ENTREP2: variants seen among roughly 807,000 people sequenced by gnomAD.
ENTREP2 encodes protein ENTREP2.
chr15:29,558,419 C>G, the ENTREP2 span, among the ~76,000 whole-genome samples: 2 of 151,690 alleles, frequency 1.3e-5, no homozygotes, highest in African/African-American at 4.8e-5. Context: ...GGCACAGGCC[C>G]GAAGCTGGCC....
At chr15:29,588,684 G>C in the ENTREP2 span, among the ~76,000 whole-genome samples, 1 of 152,044 alleles carries the variant, frequency 6.6e-6, no homozygotes, top group Non-Finnish European at 1.5e-5. Flanking sequence ...TGATGACATA[G>C]TACAAATTTT....
At chr15:29,483,087 G>T in the ENTREP2 span, among the ~76,000 whole-genome samples, 1 of 152,226 alleles carries the variant, frequency 6.6e-6, no homozygotes, top group Non-Finnish European at 1.5e-5. Flanking sequence ...TTTTCCTAAT[G>T]ATATATGATG....
chr15:29,128,005 G>A, the ENTREP2 span, among the ~76,000 whole-genome samples: 3,443 of 152,264 alleles, frequency 0.023, 128 homozygotes, highest in African/African-American at 0.078. Context: ...TACAACCCCC[G>A]GTGGCCTCAG....
the ENTREP2 span, among the ~76,000 whole-genome samples, chr15:29,443,686 T>C: frequency 6.6e-6 from 1 of 151,942 alleles, no homozygotes; most frequent in Non-Finnish European, 1.5e-5. Context: ...CGGCCTGGGC[T>C]TTTCTCCAAA....
the ENTREP2 span, among the ~76,000 whole-genome samples, chr15:29,300,393 GGATA>G: frequency 1.6e-5 from 2 of 128,340 alleles, no homozygotes; most frequent in Non-Finnish European, 3.2e-5. Context: ...ATAGATAGAT[GGATA>G]AATGGATGGA....
chr15:29,133,364 A>G, the ENTREP2 span, among the ~76,000 whole-genome samples: 12 of 152,316 alleles, frequency 7.9e-5, no homozygotes, highest in Middle Eastern at 3.4e-3. Context: ...TTACTGACTC[A>G]GGAGCCCTGG....
the ENTREP2 span, among the ~76,000 whole-genome samples, chr15:29,577,021 A>G: frequency 9.2e-5 from 14 of 151,810 alleles, no homozygotes; most frequent in African/African-American, 3.1e-4. Context: ...GTTAGCCAGG[A>G]TGGTCTCGAT....
At chr15:29,654,436 G>A in the ENTREP2 span, among the ~76,000 whole-genome samples, 2 of 151,604 alleles carry the variant, frequency 1.3e-5, no homozygotes, top group Non-Finnish European at 2.9e-5. Flanking sequence ...TAGAACATAC[G>A]CTTTGACAGA....
chr15:29,476,764 G>A, the ENTREP2 span, among the ~76,000 whole-genome samples: 3 of 152,184 alleles, frequency 2.0e-5, no homozygotes, highest in Admixed American at 6.5e-5. Flanking sequence ...AAGTGAGGGC[G>A]GAGAAACACC....
the ENTREP2 span, among the ~76,000 whole-genome samples, chr15:29,440,864 G>A: frequency 6.6e-6 from 1 of 152,116 alleles, no homozygotes; most frequent in Non-Finnish European, 1.5e-5. Flanking sequence ...TCCCACCCAT[G>A]AGCAAACACA....
chr15:29,157,768 C>T, the ENTREP2 span, among the ~76,000 whole-genome samples: 1 of 147,554 alleles, frequency 6.8e-6, no homozygotes. Context: ...CTCGCTGTGT[C>T]GCCCAGGCTG....
At chr15:29,564,420 C>T in the ENTREP2 span, among the ~76,000 whole-genome samples, 1 of 152,194 alleles carries the variant, frequency 6.6e-6, no homozygotes, top group African/African-American at 2.4e-5. Context: ...TATTTTCTCT[C>T]GCCATCTGTC....
the ENTREP2 span, among the ~76,000 whole-genome samples, chr15:29,556,634 G>A: frequency 3.8e-3 from 584 of 152,198 alleles, 3 homozygotes; most frequent in African/African-American, 0.013. Context: ...GTACACACCC[G>A]GCTGACTCCC....
chr15:29,426,401 A>G, the ENTREP2 span, among the ~76,000 whole-genome samples: 4 of 152,172 alleles, frequency 2.6e-5, no homozygotes, highest in African/African-American at 9.7e-5. Flanking sequence ...TTTAACGCTT[A>G]TCTTTGATTT....
the ENTREP2 span, among the ~76,000 whole-genome samples, chr15:29,133,274 CGA>C: frequency 1.3e-5 from 2 of 152,164 alleles, no homozygotes; most frequent in Non-Finnish European, 2.9e-5. Context: ...AAACATCCTG[CGA>C]GAGTGATCTA....
At chr15:29,179,051 G>A in the ENTREP2 span, among the ~76,000 whole-genome samples, 16 of 152,178 alleles carry the variant, frequency 1.1e-4, no homozygotes, top group Admixed American at 1.0e-3. Flanking sequence ...GCAGGATGTT[G>A]TATTTGTTAT....
At chr15:29,248,757 G>T in the ENTREP2 span, among the ~76,000 whole-genome samples, 1 of 152,106 alleles carries the variant, frequency 6.6e-6, no homozygotes, top group Non-Finnish European at 1.5e-5. Flanking sequence ...TTCAGTGCTG[G>T]CAAAGGTGTA....
the ENTREP2 span, among the ~76,000 whole-genome samples, chr15:29,219,030 G>A: frequency 6.6e-6 from 1 of 152,102 alleles, no homozygotes; most frequent in East Asian, 1.9e-4. Context: ...CAACCCACAG[G>A]GTGGCAGAAC....
chr15:29,660,800 C>T, the ENTREP2 span, among the ~76,000 whole-genome samples: 1 of 152,174 alleles, frequency 6.6e-6, no homozygotes, highest in Admixed American at 6.5e-5. Flanking sequence ...CGTGGGTCCA[C>T]TTCTATGAGG....
Sources: allele counts gnomAD v4.1 joint callset (sites outside exome capture counted in the v4.1 genomes callset), GRCh38; gene constraint gnomAD v4.1.1; transcripts MANE v1.5; gene names NCBI Gene and HGNC (gene_info 2026-07-23, HGNC 2026-07-21).